Variants in SYN3 observed in about 807,000 individuals in gnomAD.
The protein encoded by SYN3 is synapsin-3.
Under a neutral mutation model 65.8 loss-of-function variants are expected in SYN3, and 35 were observed. The observed-to-expected ratio is 0.53, with a 90% CI of 0.41 to 0.70. The LOEUF is 0.70. Ranked by LOEUF, SYN3 falls within the 30% of genes least tolerant of loss-of-function variation. SYN3 has a pLI of 0.00. For synonymous variants in SYN3, 270 were observed against 292.9 expected, an observed-to-expected ratio of 0.92 and a Z score of 0.80; for missense variants, 680 against 749.0, an observed-to-expected ratio of 0.91 and a Z score of 1.08.
chr22:32,816,662 A>G (rs1179180021), intron 6 of SYN3, among the ~76,000 whole-genome samples: 1 of 152,152 alleles, frequency 6.6e-6, no homozygotes, highest in Non-Finnish European at 1.5e-5. Context: ...CCCTATCATC[A>G]AGACTTCAGT....
chr22:32,796,905 T>C (rs2046442712), intron 6 of SYN3, among the ~76,000 whole-genome samples: 1 of 152,130 alleles, frequency 6.6e-6, no homozygotes, highest in East Asian at 1.9e-4. Context: ...GATTCACAAC[T>C]ATGTTGCTTC....
At chr22:32,921,988 T>C (rs1439997838) in intron 4 of SYN3, among the ~76,000 whole-genome samples, 1 of 152,130 alleles carries the variant, frequency 6.6e-6, no homozygotes, top group South Asian at 2.1e-4. Context: ...TCTACATTAT[T>C]ATTAGGCCAT....
intron 6 of SYN3, among the ~76,000 whole-genome samples, chr22:32,656,950 C>A (rs2060149330): frequency 6.6e-6 from 1 of 152,212 alleles, no homozygotes; most frequent in South Asian, 2.1e-4. Flanking sequence ...TAGCTAAGGG[C>A]ACCTTGTTGG....
At chr22:32,691,874 ACTGT>A (rs1258745531) in intron 6 of SYN3, among the ~76,000 whole-genome samples, 3 of 151,982 alleles carry the variant, frequency 2.0e-5, no homozygotes, top group Non-Finnish European at 4.4e-5. Flanking sequence ...TTCTCTGAAA[ACTGT>A]CTGTCACCTC....
chr22:33,005,870 C>T (rs2053181824), intron 2 of SYN3, among the ~76,000 whole-genome samples: 1 of 152,198 alleles, frequency 6.6e-6, no homozygotes. Context: ...AGACGTATTT[C>T]AGATATTAAA....
intron 6 of SYN3, among the ~76,000 whole-genome samples, chr22:32,716,379 T>G (rs759705730): frequency 3.9e-5 from 6 of 151,928 alleles, no homozygotes; most frequent in Non-Finnish European, 5.9e-5. Flanking sequence ...TTAATGTTCT[T>G]GGGTAGGAGA....
At chr22:32,852,897 C>T (rs543463765) in intron 6 of SYN3, among the ~76,000 whole-genome samples, 12 of 152,310 alleles carry the variant, frequency 7.9e-5, no homozygotes, top group African/African-American at 2.4e-4. Flanking sequence ...CATGAGAAAC[C>T]GATCCACTGT....
At chr22:32,920,941 A>G (rs893224480) in intron 4 of SYN3, among the ~76,000 whole-genome samples, 4 of 152,170 alleles carry the variant, frequency 2.6e-5, no homozygotes. Flanking sequence ...TATAGCTTCA[A>G]TGGACCAGCT....
chr22:32,508,418 A>C lies in SYN3; in HGVS notation c.*5274T>G, dbSNP rs2057655794. Among the ~76,000 whole-genome samples, 1 of 152,040 alleles carries C rather than the reference A, an allele frequency of 6.6e-6. No individual in the cohort carries two copies. Among genetic ancestry groups the C allele is most frequent in the Non-Finnish European group, 1.5e-5 (1 of 68,022 alleles). On this transcript the variant is annotated 3_prime_UTR_variant, in exon 14 of 14. Transcript: ENST00000358763. ...CTTTGCTGACTCTCTTTTCGGACTC[A>C]TCCGGCCTGCACCCAGGTGAAATAA...
At chr22:32,679,108 A>C (rs1472627002) in intron 6 of SYN3, among the ~76,000 whole-genome samples, 1 of 125,824 alleles carries the variant, frequency 7.9e-6, no homozygotes, top group Non-Finnish European at 1.5e-5. Context: ...GCTGGAGTGC[A>C]GTGGTGCGAT....
chr22:32,824,910 A>C (rs2047357128), intron 6 of SYN3, among the ~76,000 whole-genome samples: 1 of 152,182 alleles, frequency 6.6e-6, no homozygotes, highest in East Asian at 1.9e-4. Flanking sequence ...AGCACACAGA[A>C]GGCAGAAAGG....
chr22:32,611,665 A>G (rs140559384), intron 6 of SYN3, among the ~76,000 whole-genome samples: 1 of 152,246 alleles, frequency 6.6e-6, no homozygotes, highest in Non-Finnish European at 1.5e-5. Flanking sequence ...TTGTCATCCC[A>G]TGAGCAAGGT....
intron 6 of SYN3, among the ~76,000 whole-genome samples, chr22:32,786,434 C>T (rs1317271044): frequency 6.6e-6 from 1 of 151,574 alleles, no homozygotes; most frequent in Admixed American, 6.6e-5. Context: ...GGCTGGAGTG[C>T]TCACTGCAAG....
At chr22:32,793,922 G>A (rs576618201) in intron 6 of SYN3, among the ~76,000 whole-genome samples, 133 of 152,306 alleles carry the variant, frequency 8.7e-4, no homozygotes, top group African/African-American at 3.1e-3. Flanking sequence ...ATCTTTGAAT[G>A]GTGACTTGTA....
chr22:32,671,493 G>A (rs982240175), intron 6 of SYN3, among the ~76,000 whole-genome samples: 115 of 148,964 alleles, frequency 7.7e-4, no homozygotes, highest in Admixed American at 1.5e-3. Context: ...ACATGCTGTC[G>A]CACAGGTGCA....
At chr22:32,592,774 T>C (rs2059145918) in intron 7 of SYN3, among the ~76,000 whole-genome samples, 1 of 152,200 alleles carries the variant, frequency 6.6e-6, no homozygotes, top group Admixed American at 6.5e-5. Flanking sequence ...TGCACAGCCT[T>C]CTACCAGGCC....
chr22:32,964,976 G>C (rs1156483333), intron 3 of SYN3, among the ~76,000 whole-genome samples: 2 of 152,112 alleles, frequency 1.3e-5, no homozygotes, highest in Non-Finnish European at 2.9e-5. Flanking sequence ...ACTGCACCTC[G>C]ATCAGTCCCC....
intron 6 of SYN3, among the ~76,000 whole-genome samples, chr22:32,766,976 T>C (rs1023567765): frequency 6.6e-6 from 1 of 152,188 alleles, no homozygotes; most frequent in African/African-American, 2.4e-5. Flanking sequence ...TGCGACCCCA[T>C]GGTCTCAACT....
At chr22:32,654,186 G>A (rs1335652607) in intron 6 of SYN3, among the ~76,000 whole-genome samples, 2 of 152,240 alleles carry the variant, frequency 1.3e-5, no homozygotes, top group South Asian at 2.1e-4. Context: ...GTTGCCTAAA[G>A]CCCTTTTTGT....
Sources: allele counts gnomAD v4.1 joint callset (sites outside exome capture counted in the v4.1 genomes callset), GRCh38; gene constraint gnomAD v4.1.1; transcripts MANE v1.5; gene names NCBI Gene and HGNC (gene_info 2026-07-23, HGNC 2026-07-21).